The following CAMK2B variants were observed in gnomAD, a reference collection of about 807,000 sequenced individuals.
CAMK2B encodes the protein calcium/calmodulin dependent protein kinase II beta.
Under a neutral mutation model 93.7 loss-of-function variants are expected in CAMK2B, and 27 were observed. The observed-to-expected ratio is 0.29, with a 90% confidence interval of 0.21 to 0.40. The LOEUF is 0.40. Ranked by LOEUF, CAMK2B falls within the 10% of genes least tolerant of loss-of-function variation. CAMK2B has a pLI of 1.00. For missense variants in CAMK2B, 568 were observed against 895.8 expected, an observed-to-expected ratio of 0.63 and a Z score of 4.67; for synonymous variants, 374 against 358.8, an observed-to-expected ratio of 1.04 and a Z score of -0.48.
intron 1 of CAMK2B, among the ~76,000 whole-genome samples, chr7:44,321,938 A>C (rs1350790236): frequency 6.6e-6 from 1 of 152,342 alleles, no homozygotes; most frequent in East Asian, 1.9e-4. Flanking sequence ...GCACCTGCAA[A>C]GACAGAAGAC....
rs747251931 is a variant in CAMK2B, at chr7:44,220,606, C to T, written c.1768+10G>A. 1.9e-6 allele frequency: 3 copies of T among 1,610,798 alleles called. No individual in the cohort carries two copies. The highest frequency in any genetic ancestry group is 2.5e-6 in the Non-Finnish European group (3 of 1,178,050). On this transcript the variant is annotated intron_variant, in intron 22 of 23. Transcript: ENST00000395749. ...CGCCCCCTCATGCCCACCCGGGCTTCCTCACTCACGGTTCTCGAAGTAGAA... is the reference window on the plus strand; with the variant it reads ...CGCCCCCTCATGCCCACCCGGGCTTTCTCACTCACGGTTCTCGAAGTAGAA...
intron 1 of CAMK2B, among the ~76,000 whole-genome samples, chr7:44,285,479 T>C (rs1481499190): frequency 6.6e-6 from 1 of 152,116 alleles, no homozygotes; most frequent in Non-Finnish European, 1.5e-5. Flanking sequence ...CCCAGAAAGC[T>C]TCTTCGGCCT....
chr7:44,235,937 GT>G (rs2096621641), intron 13 of CAMK2B, among the ~76,000 whole-genome samples: 1 of 152,220 alleles, frequency 6.6e-6, no homozygotes, highest in Admixed American at 6.5e-5. Context: ...AGACAGGCAC[GT>G]TTCAACCTAG....
At position 44,262,871 on chromosome 7, in the gene CAMK2B, T is replaced by C. The variant is rs1184630319; in HGVS notation, c.220+134A>G. The C allele has an allele frequency of 1.1e-5, 8 of 739,578 alleles. No individual in the cohort carries two copies. In the East Asian group the frequency reaches 1.6e-4, roughly 15 times the overall value. The allele number at this position is 739,578 out of a possible 1,614,324, so 45.8% of individuals were successfully genotyped here. On this transcript the variant is annotated intron_variant, in intron 3 of 23. Transcript: ENST00000395749. ...AAGAGGGGGCGTCCTCAGGGGCTTC[T>C]GGTGGGATATTTCAACAGAGAAGAA...
chr7:44,220,803 C>T lies in CAMK2B; in HGVS notation c.1673+23G>A, dbSNP rs761661679. On this transcript the variant is annotated intron_variant, in intron 21 of 23. Transcript: ENST00000395749. ...TCCCACATCCTTGTCCTGCACAGCC[C>T]CCCCCCAGCCCCAGGGACTCACGCG... 1.9e-5 allele frequency: 30 copies of T among 1,559,310 alleles called. 1 individual carries two copies. Among genetic ancestry groups the T allele is most frequent in the Non-Finnish European group, 2.4e-5 (28 of 1,150,586 alleles).
At chr7:44,244,439 G>A (rs555722158) in intron 6 of CAMK2B, among the ~76,000 whole-genome samples, 1 of 152,118 alleles carries the variant, frequency 6.6e-6, no homozygotes, top group African/African-American at 2.4e-5. Flanking sequence ...TCCCAGCGGT[G>A]GGGTCTCTTG....
At chr7:44,309,930 G>A (rs890442054) in intron 1 of CAMK2B, among the ~76,000 whole-genome samples, 7 of 152,356 alleles carry the variant, frequency 4.6e-5, no homozygotes, top group East Asian at 3.9e-4. Context: ...CACCGCGCCT[G>A]AGCAGCCAGA....
chr7:44,242,025 T>C (rs1192727428), intron 10 of CAMK2B, among the ~76,000 whole-genome samples, 193 bp downstream of exon 10: 4 of 152,152 alleles, frequency 2.6e-5, no homozygotes. Context: ...TACCCTCTAA[T>C]GCCTTCCAAG....
rs111472218 is a variant in CAMK2B, at chr7:44,247,604, A to G, written c.342-412T>C. 4.4e-3 allele frequency among the ~76,000 whole-genome samples: 667 copies of G among 151,370 alleles called. 4 individuals are homozygous for G. Among genetic ancestry groups the G allele is most frequent in the South Asian group, 0.022 (104 of 4,790 alleles). The stretch of plus-strand genomic sequence containing the variant: ...AGCGGGCTAGAAAACCAAGGCAGGG[A>G]AGGGTCAAGGCGGCTGGGGGTGGGG... On this transcript the variant is annotated intron_variant, in intron 5 of 23. Coordinates refer to ENST00000395749, the MANE Select transcript of CAMK2B (RefSeq NM_001220.5).
chr7:44,264,362 C>G (rs1033990341), intron 2 of CAMK2B, among the ~76,000 whole-genome samples: 1 of 152,112 alleles, frequency 6.6e-6, no homozygotes, highest in African/African-American at 2.4e-5. Context: ...GTGGTGGCAG[C>G]CTGGGGGTAC....
intron 3 of CAMK2B, chr7:44,259,543 C>G (rs1017813770): frequency 6.5e-6 from 1 of 153,858 alleles, no homozygotes; most frequent in African/African-American, 2.4e-5. Flanking sequence ...GATGGACCAC[C>G]ATCATTCCCT....
Position 44,262,973 on chromosome 7 carries a change from C to T in CAMK2B, c.220+32G>A, listed in dbSNP as rs374171504. 317 of 1,591,354 alleles carry T rather than the reference C, an allele frequency of 2.0e-4. 2 individuals carry two copies. In the African/African-American group the frequency reaches 4.1e-3, roughly 20 times the overall value. On this transcript the variant is annotated intron_variant, in intron 3 of 23. Transcript: ENST00000395749. ...GCTGCTGTCCGGGAGAAGGTGGGGA[C>T]CCATCCCCGCTCCCTACCCCAGGCT...
chr7:44,222,841 G>A (rs2096427954), intron 20 of CAMK2B, among the ~76,000 whole-genome samples: 1 of 192 alleles, frequency 5.2e-3, no homozygotes, highest in Admixed American at 0.071. Context: ...CACCTGGCAG[G>A]TGACTGAGTC....
At position 44,225,683 on chromosome 7, in the gene CAMK2B, G is replaced by T; in HGVS notation, c.1597+833C>A. 1 of 1,248,718 alleles carries T rather than the reference G, an allele frequency of 8.0e-7. No individual in the cohort carries two copies. The highest frequency in any genetic ancestry group is 1.0e-6 in the Non-Finnish European group (1 of 952,414). The allele number at this position is 1,248,718 out of a possible 1,614,324, so 77.4% of individuals were successfully genotyped here. ...CACTCTCCCCACACCCTTCTGCCCT[G>T]GCCGCCTGCAGCAGCCCCCAGGCCC... is the stretch of plus-strand genomic sequence containing the variant. On this transcript the variant is annotated intron_variant, in intron 20 of 23. Coordinates refer to ENST00000395749, the MANE Select transcript of CAMK2B (RefSeq NM_001220.5). This position sits in a 1 kb window ranked among gnomAD's most constrained non-coding sequence, Gnocchi z 5.0.
chr7:44,299,995 T>C (rs1789437721), intron 1 of CAMK2B, among the ~76,000 whole-genome samples: 1 of 148,864 alleles, frequency 6.7e-6, no homozygotes, highest in Non-Finnish European at 1.5e-5. Context: ...ACTATATGTA[T>C]ATATGTATGT....
chr7:44,234,853 C>T (rs2096611133), intron 13 of CAMK2B, among the ~76,000 whole-genome samples, 177 bp from the exon 14 acceptor site: 1 of 152,162 alleles, frequency 6.6e-6, no homozygotes, highest in African/African-American at 2.4e-5. Context: ...ATCCCATCAC[C>T]CCAGGACAGC....
chr7:44,234,135 C>T (rs150612383), intron 15 of CAMK2B, among the ~76,000 whole-genome samples: 3 of 152,354 alleles, frequency 2.0e-5, no homozygotes, highest in African/African-American at 4.8e-5. Context: ...TCCCCTGCAC[C>T]CCAACATCTG....
chr7:44,226,666 G>A (rs900743323), intron 19 of CAMK2B, 22 bp from the exon 20 acceptor site: 17 of 1,521,190 alleles, frequency 1.1e-5, no homozygotes, highest in African/African-American at 4.4e-5. Flanking sequence ...CAGACGAGAC[G>A]TGAACACAAG....
chr7:44,252,244 C>T (rs527499539), intron 5 of CAMK2B, among the ~76,000 whole-genome samples: 10 of 152,062 alleles, frequency 6.6e-5, no homozygotes, highest in African/African-American at 1.7e-4. Context: ...CCACCTGGGG[C>T]GGTGAGGGGT....
Sources: gnomAD v4.1 joint callset for allele counts (sites outside exome capture counted in the v4.1 genomes callset) on GRCh38, gnomAD v4.1.1 for gene constraint, Gnocchi (gnomAD v3.1) non-coding constraint, MANE v1.5 for transcripts, NCBI Gene and HGNC (gene_info 2026-07-23, HGNC 2026-07-21) for gene names.